Variants in SHC2 observed in about 807,000 individuals in gnomAD.
SHC2 encodes the protein SHC adaptor protein 2, also known as SHC-transforming protein 2.
Under a neutral mutation model 60.6 loss-of-function variants are expected in SHC2, and 62 were observed. The observed-to-expected ratio is 1.02, with a 90% confidence interval of 0.83 to 1.26. The LOEUF is 1.26. SHC2 is among the 50% of genes most tolerant of loss of function. The pLI is 0.00. For synonymous variants in SHC2, 375 were observed against 372.4 expected (o/e 1.01, Z -0.08); for missense variants, 873 against 822.2 (o/e 1.06, Z -0.76).
At chr19:443,320 G>GGACA (rs371517681) in intron 1 of SHC2, among the ~76,000 whole-genome samples, 4,812 of 138,026 alleles carry the variant, frequency 0.035, 331 homozygotes, top group African/African-American at 0.12. Context: ...GTGGATGGGT[G>GGACA]GATGGATGGA....
rs561795307 is a variant in SHC2, at chr19:428,424, C to T, written c.1174+2260G>A. Among the ~76,000 whole-genome samples, 11 of 152,270 alleles carry T rather than the reference C, an allele frequency of 7.2e-5. No individual in the cohort carries two copies. In the South Asian group the frequency reaches 8.3e-4, roughly 11 times the overall value. ...TCAACGCAGATGTCCAGGACCAGGGCGTGAGTGGAATAAATGATGTAACCA... is the reference window on the plus strand; with the variant it reads ...TCAACGCAGATGTCCAGGACCAGGGTGTGAGTGGAATAAATGATGTAACCA... On this transcript the variant is annotated intron_variant, in intron 9 of 12. Transcript: ENST00000264554.
chr19:430,734 G>A lies in SHC2; in HGVS notation c.1124C>T (p.Ser375Phe). The A allele has an allele frequency of 2.5e-6, 4 of 1,613,136 alleles. No homozygotes were observed. Among genetic ancestry groups the A allele is most frequent in the Admixed American group, 1.7e-5 (1 of 60,014 alleles). The change falls in exon 9 of 13, where the codon TCT (serine) becomes TTT (phenylalanine). Residue 375 changes from serine to phenylalanine, a missense_variant. Coordinates refer to ENST00000264554, the MANE Select transcript of SHC2 (RefSeq NM_012435.3). ...TGGCAGGCTGCAGGCATCTCTTAGA[G>A]AAGGAGATGGGCCCTGGAAACAGAG... ...LTALDQGPSPSLRDACSLPWD... is the reference protein window; with the variant it reads ...LTALDQGPSPFLRDACSLPWD...
Position 438,617 on chromosome 19 carries a change from G to A in SHC2, c.720+101C>T, listed in dbSNP as rs538436841. ...CCTCGGCTCGTCTTTCTGGATAAACGCCACCTGCTGCCCGCCCCCAGCACC... is the reference window on the plus strand; with the variant it reads ...CCTCGGCTCGTCTTTCTGGATAAACACCACCTGCTGCCCGCCCCCAGCACC... On this transcript the variant is annotated intron_variant, in intron 4 of 12. Transcript: ENST00000264554. The surrounding 1 kb of genome is among the most constrained non-coding windows in gnomAD (Gnocchi z 5.0). 36 of 1,350,030 alleles carry A rather than the reference G, an allele frequency of 2.7e-5. No individual in the cohort carries two copies. The highest frequency in any genetic ancestry group is 2.6e-4 in the Middle Eastern group (1 of 3,882). The allele number at this position is 1,350,030 out of a possible 1,614,324, so 83.6% of individuals were successfully genotyped here. A position where few individuals can be genotyped will look rare whatever the true frequency, so the allele number is the denominator to read the frequency against.
In SHC2 at chr19:422,625, G is replaced by T; in HGVS notation, c.1310-169C>A. The T allele has an allele frequency of 1.7e-6, 1 of 600,128 alleles. No homozygotes were observed. Among genetic ancestry groups the T allele is most frequent in the South Asian group, 2.2e-5 (1 of 44,596 alleles). The allele number at this position is 600,128 out of a possible 1,614,324, so 37.2% of individuals were successfully genotyped here. ...ACTCGCACTCTGCCCAGCCCCGTGC[G>T]TGCGGTGGGCTCACATGTGTAGCAA... On this transcript the variant is annotated intron_variant, in intron 10 of 12. Transcript: ENST00000264554. The surrounding 1 kb of genome is among the most constrained non-coding windows in gnomAD (Gnocchi z 5.0).
At chr19:450,336 T>C (rs567051409) in intron 1 of SHC2, among the ~76,000 whole-genome samples, 13 of 152,352 alleles carry the variant, frequency 8.5e-5, no homozygotes, top group African/African-American at 2.9e-4. Flanking sequence ...CTTGCTTTTT[T>C]ATTGTGGTAA....
chr19:459,463 T>TGAACCCAGCGTAGGGGGAAGGACCCCA (rs1568301700), intron 1 of SHC2, among the ~76,000 whole-genome samples: 9 of 53,538 alleles, frequency 1.7e-4, no homozygotes, highest in African/African-American at 3.3e-4. Flanking sequence ...GAAGGACCCC[T>TGAACCCAGCGTAGGGGGAAGGACCCCA]CTCAACTCAG....
intron 9 of SHC2, among the ~76,000 whole-genome samples, chr19:428,242 C>T (rs767450887): frequency 2.6e-4 from 40 of 152,176 alleles, no homozygotes; most frequent in Non-Finnish European, 4.1e-4. Flanking sequence ...AGCCAAAGCT[C>T]GAAGTGCCCG....
Position 438,438 on chromosome 19 carries a change from C to T in SHC2, c.720+280G>A, listed in dbSNP as rs544396614. On this transcript the variant is annotated intron_variant, in intron 4 of 12. Transcript: ENST00000264554. This position sits in a 1 kb window ranked among gnomAD's most constrained non-coding sequence, Gnocchi z 5.0. ...GGACGGACCACTCTCTGGGGTGGGGCGTCCTGGCCCCTGCAGGGTGCTGAG... is the reference window on the plus strand; with the variant it reads ...GGACGGACCACTCTCTGGGGTGGGGTGTCCTGGCCCCTGCAGGGTGCTGAG... Among the ~76,000 whole-genome samples the T allele has an allele frequency of 2.6e-3, 388 of 151,552 alleles. 1 individual carries two copies. Among genetic ancestry groups the T allele is most frequent in the Non-Finnish European group, 4.5e-3 (306 of 68,020 alleles).
rs1974879129 is a variant in SHC2, at chr19:441,837, CT to C, written c.469-906del. On this transcript the variant is annotated intron_variant, in intron 1 of 12. Transcript: ENST00000264554. This position sits in a 1 kb window ranked among gnomAD's most constrained non-coding sequence, Gnocchi z 4.9. ...CGTTATGTGAAGTCCACCTCAGTTTCTTTAAATGATCAACACGCAAACACTT... is the reference window on the plus strand; with the variant it reads ...CGTTATGTGAAGTCCACCTCAGTTTCTTAAATGATCAACACGCAAACACTT... 6.6e-6 allele frequency among the ~76,000 whole-genome samples: 1 copy of C among 152,266 alleles called. No individual in the cohort carries two copies. Among genetic ancestry groups the C allele is most frequent in the South Asian group, 2.1e-4 (1 of 4,836 alleles).
At chr19:418,769 G>A (rs12981152) in intron 12 of SHC2, among the ~76,000 whole-genome samples, 154 bp downstream of exon 12, 60,299 of 152,158 alleles carry the variant, frequency 0.4, 14,184 homozygotes, top group Non-Finnish European at 0.52. Flanking sequence ...TCTGGAATTC[G>A]ACAGAGATGG....
At chr19:435,964 G>T in intron 7 of SHC2, 1 of 577,006 alleles carries the variant, frequency 1.7e-6, no homozygotes, top group Non-Finnish European at 3.0e-6. Context: ...CCCCAATCCT[G>T]GGGGGCAGGC....
At position 440,914 on chromosome 19, in the gene SHC2, C is replaced by T. The variant is rs139357360; in HGVS notation, c.487G>A (p.Val163Ile). 2.8e-5 allele frequency: 45 copies of T among 1,612,684 alleles called. No individual in the cohort carries two copies. In the African/African-American group the frequency reaches 4.4e-4, roughly 16 times the overall value. ...YVVRYMGCIE[V>I]LRSMRSLDFN... ...TCCAGGGAGCGCATAGAGCGGAGAA[C>T]CTCGATGCAGCCCATGTACTGAGGG... Residue 163 changes from valine (V) to isoleucine (I), a missense_variant, in exon 2 of 13, where the codon GTT becomes ATT. Transcript: ENST00000264554. This position sits in a 1 kb window ranked among gnomAD's most constrained non-coding sequence, Gnocchi z 7.0.
intron 9 of SHC2, among the ~76,000 whole-genome samples, chr19:426,515 G>A (rs533811220): frequency 3.9e-5 from 4 of 102,034 alleles, no homozygotes; most frequent in East Asian, 5.7e-4. Flanking sequence ...GCAGAGTCCG[G>A]GGAGGGAGGA....
chr19:429,944 G>A (rs1290822757), intron 9 of SHC2, among the ~76,000 whole-genome samples: 1 of 145,352 alleles, frequency 6.9e-6, no homozygotes, highest in African/African-American at 2.6e-5. Context: ...CACCCAACGT[G>A]CACAGAAACC....
chr19:444,428 C>T (rs1400304492), intron 1 of SHC2, among the ~76,000 whole-genome samples: 4 of 152,092 alleles, frequency 2.6e-5, no homozygotes, highest in Admixed American at 2.0e-4. Context: ...CCCTTACCTG[C>T]CCCCTTATTA....
rs775315891 is a variant in SHC2, at chr19:445,158, G to A, written c.469-4226C>T. Among the ~76,000 whole-genome samples, 14 of 152,182 alleles carry A rather than the reference G, an allele frequency of 9.2e-5. No homozygotes were observed. Among genetic ancestry groups the A allele is most frequent in the Non-Finnish European group, 1.3e-4 (9 of 68,038 alleles). ...GAAATTCTCCCAGTTTGTAAATATC[G>A]ATCTAGGGCTGAATATCTGTGCCCC... On this transcript the variant is annotated intron_variant, in intron 1 of 12. Coordinates refer to ENST00000264554, the MANE Select transcript of SHC2 (RefSeq NM_012435.3). This position sits in a 1 kb window ranked among gnomAD's most constrained non-coding sequence, Gnocchi z 4.4.
Position 425,316 on chromosome 19 carries a change from T to TC in SHC2, c.1175-86dup, listed in dbSNP as rs1974387944. 8.8e-7 allele frequency: 1 copy of TC among 1,138,490 alleles called. No individual in the cohort carries two copies. The highest frequency in any genetic ancestry group is 4.0e-5 in the South Asian group (1 of 25,194). The allele number at this position is 1,138,490 out of a possible 1,614,324, so 70.5% of individuals were successfully genotyped here. A position where few individuals can be genotyped will look rare whatever the true frequency, so the allele number is the denominator to read the frequency against. ...AGCAAGGCGGGGTCCCACGAGGAGC[T>TC]CCCCCGGCCACCACCTGTGCTGCTG... On this transcript the variant is annotated intron_variant, in intron 9 of 12. Transcript: ENST00000264554. This position sits in a 1 kb window ranked among gnomAD's most constrained non-coding sequence, Gnocchi z 4.1.
chr19:426,976 T>C lies in SHC2; in HGVS notation c.1175-1745A>G, dbSNP rs547337257. On this transcript the variant is annotated intron_variant, in intron 9 of 12. Transcript: ENST00000264554. ...CTTGGCCAGAGAATCGGGAAGGGCATGAGTGCAAGTGAGAACAGCCCGGGT... is the reference window on the plus strand; with the variant it reads ...CTTGGCCAGAGAATCGGGAAGGGCACGAGTGCAAGTGAGAACAGCCCGGGT... Among the ~76,000 whole-genome samples the C allele has an allele frequency of 9.2e-5, 14 of 152,150 alleles. No individual in the cohort carries two copies. In the South Asian group the frequency reaches 2.9e-3, roughly 32 times the overall value.
intron 1 of SHC2, among the ~76,000 whole-genome samples, chr19:443,319 T>TGGATGGATGGAC (rs1974955392): frequency 1.6e-5 from 2 of 124,670 alleles, no homozygotes; most frequent in African/African-American, 9.4e-5. Flanking sequence ...AGTGGATGGG[T>TGGATGGATGGAC]GGATGGATGG....
Sources: gnomAD v4.1 joint callset for allele counts (sites outside exome capture counted in the v4.1 genomes callset) on GRCh38, gnomAD v4.1.1 for gene constraint, Gnocchi (gnomAD v3.1) non-coding constraint, MANE v1.5 for transcripts, NCBI Gene and HGNC (gene_info 2026-07-23, HGNC 2026-07-21) for gene names.